Variants in RASEF observed in about 807,000 individuals in gnomAD.
RASEF encodes RAS and EF-hand domain containing.
In RASEF, 68 loss-of-function variants were observed where a neutral mutation model predicts 90.1. The observed-to-expected ratio is 0.75, with a 90% CI of 0.62 to 0.92. RASEF has a LOEUF of 0.92. Ranked by LOEUF, RASEF falls within the 40% of genes least tolerant of loss-of-function variation. RASEF has a pLI of 0.00. For missense variants in RASEF, 949 were observed against 937.2 expected, an observed-to-expected ratio of 1.01 and a Z score of -0.16; for synonymous variants, 331 against 345.2, an observed-to-expected ratio of 0.96 and a Z score of 0.46.
the RASEF span, among the ~76,000 whole-genome samples, chr9:83,174,830 G>C: frequency 6.6e-6 from 1 of 151,856 alleles, no homozygotes; most frequent in Admixed American, 6.6e-5. Flanking sequence ...AGTCTACTTT[G>C]CATTTATTTT....
At chr9:83,022,582 A>G (rs1034781070) in intron 2 of RASEF, among the ~76,000 whole-genome samples, 156 bp from the exon 3 acceptor site, 2 of 152,236 alleles carry the variant, frequency 1.3e-5, no homozygotes, top group African/African-American at 4.8e-5. Context: ...TAATAAAATG[A>G]GATTGGCAAT....
At chr9:83,055,511 C>G in intron 1 of RASEF, 2 of 696,544 alleles carry the variant, frequency 2.9e-6, no homozygotes, top group Non-Finnish European at 5.2e-6. Context: ...TCTTCTGCGT[C>G]GCTCACGCTG....
chr9:83,100,203 C>A, the RASEF span, among the ~76,000 whole-genome samples: 1 of 152,126 alleles, frequency 6.6e-6, no homozygotes, highest in South Asian at 2.1e-4. Flanking sequence ...AAGCTGAGAA[C>A]AGACTTTCAA....
At chr9:83,158,661 T>TATATGTATATATTTATGTACATATAC in the RASEF span, among the ~76,000 whole-genome samples, 397 of 143,486 alleles carry the variant, frequency 2.8e-3, 22 homozygotes, top group Middle Eastern at 3.8e-3. Context: ...AATATATACA[T>TATATGTATATATTTATGTACATATAC]ATATGTATAT....
At chr9:83,062,286 G>C in intron 1 of RASEF, 151 bp downstream of exon 1, 3 of 745,724 alleles carry the variant, frequency 4.0e-6, no homozygotes, top group South Asian at 3.8e-5. Flanking sequence ...AGCGGATCTT[G>C]GAAAAGTCAA....
chr9:83,086,027 C>T, the RASEF span, among the ~76,000 whole-genome samples: 1 of 152,158 alleles, frequency 6.6e-6, no homozygotes, highest in Non-Finnish European at 1.5e-5. Flanking sequence ...AAACTGAGAC[C>T]TCCTGTGTGT....
chr9:83,105,351 T>C, the RASEF span, among the ~76,000 whole-genome samples: 4 of 152,138 alleles, frequency 2.6e-5, no homozygotes, highest in Admixed American at 6.5e-5. Context: ...AATAAAAAGA[T>C]AGACAGCAGC....
At chr9:83,110,035 C>A in the RASEF span, among the ~76,000 whole-genome samples, 2 of 152,124 alleles carry the variant, frequency 1.3e-5, no homozygotes, top group Non-Finnish European at 2.9e-5. Flanking sequence ...ATCAAAAAAA[C>A]ATTTTATTAC....
chr9:83,116,274 G>A, the RASEF span, among the ~76,000 whole-genome samples: 2 of 152,120 alleles, frequency 1.3e-5, no homozygotes, highest in Non-Finnish European at 2.9e-5. Flanking sequence ...ATTTGATGAG[G>A]TCTTTATTGG....
the RASEF span, among the ~76,000 whole-genome samples, chr9:83,205,406 A>G: frequency 6.6e-6 from 1 of 152,192 alleles, no homozygotes; most frequent in African/African-American, 2.4e-5. Context: ...AATAAATGCA[A>G]TGACATTGGA....
At chr9:83,159,331 A>G in the RASEF span, among the ~76,000 whole-genome samples, 12 of 152,310 alleles carry the variant, frequency 7.9e-5, no homozygotes, top group East Asian at 2.1e-3. Context: ...TGGACACTGA[A>G]AATTTTACGA....
chr9:83,107,649 A>G, the RASEF span, among the ~76,000 whole-genome samples: 7,244 of 152,302 alleles, frequency 0.048, 302 homozygotes, highest in Admixed American at 0.14. Flanking sequence ...TGTTTTATAT[A>G]CTTTAGGCAG....
At chr9:83,113,393 T>C in the RASEF span, among the ~76,000 whole-genome samples, 1 of 152,198 alleles carries the variant, frequency 6.6e-6, no homozygotes, top group Non-Finnish European at 1.5e-5. Context: ...GTAAAACATG[T>C]GTGTTTGAAC....
At chr9:83,103,573 C>A in the RASEF span, among the ~76,000 whole-genome samples, 1 of 152,018 alleles carries the variant, frequency 6.6e-6, no homozygotes, top group African/African-American at 2.4e-5. Flanking sequence ...TTCTAAAATT[C>A]TCCTTTTGAG....
At chr9:83,012,596 A>G in intron 4 of RASEF, 85 bp from the exon 5 acceptor site, 1 of 646,332 alleles carries the variant, frequency 1.5e-6, no homozygotes, top group Non-Finnish European at 2.5e-6. Context: ...GAATATACAT[A>G]TGAGAATTCT....
chr9:83,114,030 G>A, the RASEF span, among the ~76,000 whole-genome samples: 3 of 152,112 alleles, frequency 2.0e-5, no homozygotes, highest in African/African-American at 7.2e-5. Context: ...AGACCCAGCT[G>A]TAAAATTTCT....
At chr9:82,990,306 T>G (rs1468893657) in intron 16 of RASEF, 85 bp downstream of exon 16, 2 of 874,308 alleles carry the variant, frequency 2.3e-6, no homozygotes, top group African/African-American at 3.4e-5. Flanking sequence ...TTCCCGCATA[T>G]ATTCTATCTG....
the RASEF span, among the ~76,000 whole-genome samples, chr9:83,150,581 T>C: frequency 1.3e-5 from 2 of 152,298 alleles, 1 homozygote; most frequent in South Asian, 4.1e-4. Context: ...TATTTGGTTT[T>C]AAAATAATAA....
chr9:83,193,164 C>T, the RASEF span, among the ~76,000 whole-genome samples: 1,823 of 152,322 alleles, frequency 0.012, 35 homozygotes, highest in African/African-American at 0.04. Flanking sequence ...AGCTCCCACA[C>T]GCCTTCCTGG....
Sources: gnomAD v4.1 joint callset for allele counts (sites outside exome capture counted in the v4.1 genomes callset) on GRCh38, gnomAD v4.1.1 for gene constraint, MANE v1.5 for transcripts, NCBI Gene and HGNC (gene_info 2026-07-23, HGNC 2026-07-21) for gene names.